The following KCNJ15 variants were observed in gnomAD, a reference collection of about 807,000 sequenced individuals.
KCNJ15 encodes the protein potassium inwardly rectifying channel subfamily J member 15.
KCNJ15 carries 14 observed loss-of-function variants against 23.0 expected under a neutral mutation model. The ratio of observed to expected loss-of-function variants is 0.61; its 90% CI spans 0.40 to 0.95. KCNJ15 has a LOEUF of 0.95. Ranked by LOEUF, KCNJ15 falls within the 40% of genes least tolerant of loss-of-function variation. KCNJ15 has a pLI of 0.00. For missense variants in KCNJ15, 388 were observed against 461.8 expected (o/e 0.84, Z 1.46); for synonymous variants, 185 against 183.2 (o/e 1.01, Z -0.08).
intron 1 of KCNJ15, among the ~76,000 whole-genome samples, chr21:38,261,856 G>C (rs1980935003): frequency 6.6e-6 from 1 of 152,122 alleles, no homozygotes; most frequent in African/African-American, 2.4e-5. Context: ...CAGACTTGAG[G>C]GCTTGCCCCA....
chr21:38,252,893 T>C (rs559332941), upstream of KCNJ15, among the ~76,000 whole-genome samples: 9 of 152,346 alleles, frequency 5.9e-5, no homozygotes, highest in East Asian at 3.9e-4. Context: ...GTATTAATTT[T>C]AACAGCCTGC....
At chr21:38,263,571 C>T (rs548374753) in intron 1 of KCNJ15, among the ~76,000 whole-genome samples, 6 of 152,334 alleles carry the variant, frequency 3.9e-5, no homozygotes, top group African/African-American at 1.4e-4. Context: ...TTTTGGACCG[C>T]AGAACTGTCC....
In KCNJ15 at chr21:38,302,481, G is replaced by T. The variant is rs765356139; in HGVS notation, c.*2092G>T. On this transcript the variant is annotated 3_prime_UTR_variant, in exon 3 of 3. Coordinates refer to ENST00000398938, the MANE Select transcript of KCNJ15 (RefSeq NM_170736.3). The stretch of plus-strand genomic sequence containing the variant: ...GGATGTTGTCTTTAATTATTTAGAA[G>T]GTTTTTTTTTCCTTGTCTGTTGATA... The T allele has an allele frequency of 2.0e-5, 3 of 151,920 alleles. No homozygotes were observed. The highest frequency in any genetic ancestry group is 4.4e-5 in the Non-Finnish European group (3 of 67,990). 9.4% of individuals were successfully genotyped at this position (151,920 alleles called of 1,614,324 possible). A position where few individuals can be genotyped will look rare whatever the true frequency, so the allele number is the denominator to read the frequency against.
At position 38,289,151 on chromosome 21, in the gene KCNJ15, C is replaced by T. The variant is rs547764856; in HGVS notation, c.-116-7775C>T. On this transcript the variant is annotated intron_variant, in intron 1 of 2. Transcript: ENST00000398938. ...GGCTGAGGTTGCAGTGAGCTGAGAT[C>T]GCACCATTGCACTCTCCAGCCTCGG... 6.9e-5 allele frequency among the ~76,000 whole-genome samples: 10 copies of T among 144,848 alleles called. No homozygotes were observed. The East Asian group carries it at 1.7e-3, about 24-fold the overall frequency.
intron 1 of KCNJ15, among the ~76,000 whole-genome samples, chr21:38,263,696 G>A (rs762544358): frequency 2.0e-5 from 3 of 152,224 alleles, no homozygotes; most frequent in Admixed American, 6.5e-5. Context: ...GGCATCGTGC[G>A]ATCCAAAGAA....
intron 1 of KCNJ15, among the ~76,000 whole-genome samples, chr21:38,251,040 T>C (rs1005154142): frequency 1.3e-5 from 2 of 151,924 alleles, no homozygotes; most frequent in African/African-American, 4.8e-5. Flanking sequence ...AAGACAACAA[T>C]AGAAGAGGTG....
Position 38,300,064 on chromosome 21 carries a change from C to T in KCNJ15, c.803C>T (p.Thr268Ile). Residue 268 changes from threonine (T) to isoleucine (I), a missense_variant, in exon 3 of 3, where the codon ACA (threonine) becomes ATA (isoleucine). Transcript: ENST00000398938. ...GAGACGAGCCCCCTGAGAGACCTCA[C>T]ACCCCAAAACCTAAAGGAGAAGGAG... ...LDETSPLRDLTPQNLKEKEFE... is the reference protein window; with the variant it reads ...LDETSPLRDLIPQNLKEKEFE... The T allele has an allele frequency of 6.2e-7, 1 of 1,614,120 alleles. No homozygotes were observed. The highest frequency in any genetic ancestry group is 8.5e-7 in the Non-Finnish European group (1 of 1,179,982).
chr21:38,244,870 G>A (rs1326213797), intron 1 of KCNJ15, among the ~76,000 whole-genome samples: 1 of 152,122 alleles, frequency 6.6e-6, no homozygotes, highest in Non-Finnish European at 1.5e-5. Flanking sequence ...ATGACTACCA[G>A]CAGGTACTCT....
chr21:38,250,720 G>A (rs1979767688), intron 1 of KCNJ15, among the ~76,000 whole-genome samples: 1 of 152,210 alleles, frequency 6.6e-6, no homozygotes, highest in Admixed American at 6.5e-5. Context: ...AAGCTGAAAT[G>A]TGTGATTGAT....
rs765815153 is a variant in KCNJ15 at position 38,299,659 on chromosome 21, G to A, written c.398G>A (p.Arg133His). 46 of 1,614,010 alleles carry A rather than the reference G, an allele frequency of 2.9e-5. No homozygotes were observed. The highest frequency in any genetic ancestry group is 3.7e-5 in the Non-Finnish European group (44 of 1,180,032). Residue 133 changes from arginine (R) to histidine (H), a missense_variant, in exon 3 of 3, where the codon CGT becomes CAT. By Grantham distance (29) the Arg-to-His change is conservative. Transcript: ENST00000398938. The surrounding 1 kb of genome is among the most constrained non-coding windows in gnomAD (Gnocchi z 4.5). Reference sequence around the variant, plus strand: ...CAGACAACCATTGGCTATGGAGTCCGTTCCATCACAGAGGAATGTCCTCAT... The same window carrying A: ...CAGACAACCATTGGCTATGGAGTCCATTCCATCACAGAGGAATGTCCTCAT... Reference protein sequence around the residue: ...ESQTTIGYGVRSITEECPHAI... With the variant: ...ESQTTIGYGVHSITEECPHAI...
At chr21:38,230,007 C>T (rs919594842) in intron 1 of KCNJ15, among the ~76,000 whole-genome samples, 1 of 152,128 alleles carries the variant, frequency 6.6e-6, no homozygotes, top group Admixed American at 6.5e-5. Flanking sequence ...CATTCATGCA[C>T]AAATTTTTAT....
chr21:38,241,967 TAAAA>T (rs34321677), intron 1 of KCNJ15, among the ~76,000 whole-genome samples: 2 of 111,968 alleles, frequency 1.8e-5, no homozygotes, highest in African/African-American at 6.8e-5. Flanking sequence ...AGACTCCATC[TAAAA>T]AAAAAAAAAA....
intron 1 of KCNJ15, among the ~76,000 whole-genome samples, chr21:38,277,208 G>T (rs1327281651): frequency 6.6e-6 from 1 of 152,096 alleles, no homozygotes; most frequent in Non-Finnish European, 1.5e-5. Flanking sequence ...CCTGGAGATC[G>T]AATGTGAACA....
chr21:38,287,973 A>G (rs561024046), intron 1 of KCNJ15, among the ~76,000 whole-genome samples: 1 of 150,632 alleles, frequency 6.6e-6, no homozygotes, highest in Admixed American at 6.6e-5. Context: ...ATAGTGAGAC[A>G]GAATTTCAAA....
chr21:38,284,031 T>C (rs988433943), intron 1 of KCNJ15, among the ~76,000 whole-genome samples: 4 of 152,208 alleles, frequency 2.6e-5, no homozygotes, highest in Non-Finnish European at 5.9e-5. Flanking sequence ...CGTTGGCTTA[T>C]GTGCTAAAGG....
chr21:38,232,411 A>C (rs1192458608), intron 1 of KCNJ15, among the ~76,000 whole-genome samples: 1 of 151,790 alleles, frequency 6.6e-6, no homozygotes, highest in Non-Finnish European at 1.5e-5. Context: ...TTGGTTATTA[A>C]GTTTTGATAT....
At chr21:38,296,476 G>A (rs1399494231) in intron 1 of KCNJ15, 1 of 152,244 alleles carries the variant, frequency 6.6e-6, no homozygotes, top group Non-Finnish European at 1.5e-5. Flanking sequence ...ACCCAGCTGT[G>A]TCAAGTGGGA....
Position 38,300,290 on chromosome 21 carries a change from T to G in KCNJ15, c.1029T>G (p.Cys343Trp), listed in dbSNP as rs896760140. The change falls in exon 3 of 3, where the codon TGT (cysteine) becomes TGG (tryptophan). Residue 343 changes from cysteine (C) to tryptophan (W), a missense_variant. Transcript: ENST00000398938. ...IRKSPDCTFY[C>W]ADSEKQQLEE... is the part of the protein sequence containing the mutation. ...AAAGCCCAGATTGCACATTTTACTG[T>G]GCAGATTCTGAGAAACAGCAACTCG... 2.5e-6 allele frequency: 4 copies of G among 1,614,190 alleles called. No individual in the cohort carries two copies. The highest frequency in any genetic ancestry group is 2.2e-5 in the East Asian group (1 of 44,890).
chr21:38,290,834 A>C (rs909099249), intron 1 of KCNJ15, among the ~76,000 whole-genome samples: 6 of 152,150 alleles, frequency 3.9e-5, no homozygotes, highest in African/African-American at 1.4e-4. Context: ...AAATGGACTA[A>C]GATTCACAAA....
Sources: allele counts gnomAD v4.1 joint callset (sites outside exome capture counted in the v4.1 genomes callset), GRCh38; gene constraint gnomAD v4.1.1; non-coding constraint Gnocchi (gnomAD v3.1); transcripts MANE v1.5; gene names NCBI Gene and HGNC (gene_info 2026-07-23, HGNC 2026-07-21).